Variants in RDX observed in about 807,000 individuals in gnomAD.
RDX encodes the protein deafness, autosomal recessive 24.
RDX carries 32 observed loss-of-function variants against 83.7 expected under a neutral mutation model. That is an observed-to-expected ratio of 0.38 (90% CI 0.29 to 0.51). The LOEUF is 0.51. Among genes scored for constraint, RDX ranks in the 20% least tolerant of loss-of-function variants. The pLI is 0.87. For synonymous variants in RDX, 229 were observed against 222.7 expected (o/e 1.03, Z -0.25); for missense variants, 600 against 689.9 (o/e 0.87, Z 1.46).
chr11:110,238,676 C>T (rs1249510472), intron 10 of RDX, among the ~76,000 whole-genome samples: 1 of 152,070 alleles, frequency 6.6e-6, no homozygotes, highest in African/African-American at 2.4e-5. Context: ...GTAATCCCAG[C>T]ACTTTGGGTG....
At chr11:110,278,573 T>G (rs1860610188) in intron 2 of RDX, among the ~76,000 whole-genome samples, 1 of 152,166 alleles carries the variant, frequency 6.6e-6, no homozygotes, top group Non-Finnish European at 1.5e-5. Flanking sequence ...TGATTTTTTT[T>G]TAATACAATC....
rs1044230702 is a variant in RDX, at chr11:110,206,775, G to A, written c.1749-7097C>T. On this transcript the variant is annotated intron_variant, in intron 14 of 15. Transcript: ENST00000528498. ...ATGAATTTTGTTCCAAATATCTTTG[G>A]TCTTTGAGCCATTCGAATTTCAAAG... is the stretch of plus-strand genomic sequence containing the variant. 3.9e-5 allele frequency among the ~76,000 whole-genome samples: 6 copies of A among 152,210 alleles called. No individual in the cohort carries two copies. In the South Asian group the frequency reaches 1.2e-3, roughly 32 times the overall value.
At chr11:110,194,851 T>C (rs1348196657) in intron 15 of RDX, among the ~76,000 whole-genome samples, 3 of 152,352 alleles carry the variant, frequency 2.0e-5, no homozygotes, top group South Asian at 2.1e-4. Flanking sequence ...CTATGTCATG[T>C]TGGCATATTT....
At chr11:110,187,430 C>T (rs1863009081) in intron 15 of RDX, among the ~76,000 whole-genome samples, 1 of 152,206 alleles carries the variant, frequency 6.6e-6, no homozygotes, top group African/African-American at 2.4e-5. Flanking sequence ...AGAGCACCTT[C>T]CTACCCAGAT....
At position 110,237,518 on chromosome 11, in the gene RDX, C is replaced by A; in HGVS notation, c.1225G>T (p.Asp409Tyr). ...AKSAIAKQAADQMKNQEQLAA... is the reference protein window; with the variant it reads ...AKSAIAKQAAYQMKNQEQLAA... The stretch of plus-strand genomic sequence containing the variant: ...AGCTGCTCCTGATTCTTCATCTGGT[C>A]GGCAGCTTGTTTTGCTATGGCAGAC... Residue 409 changes from aspartate (D) to tyrosine (Y), a missense_variant, in exon 11 of 14, where the codon GAC (aspartate) becomes TAC (tyrosine). Asp to Tyr is a radical substitution (Grantham distance 160). Transcript: ENST00000645495. 1 of 1,612,758 alleles carries A rather than the reference C, an allele frequency of 6.2e-7. No homozygotes were observed.
At chr11:110,265,109 G>GTTTTTTTTTTTTTTTTTTTTT in intron 3 of RDX, among the ~76,000 whole-genome samples, 1 of 90,694 alleles carries the variant, frequency 1.1e-5, no homozygotes, top group Non-Finnish European at 2.2e-5. Context: ...TTTTTTTTTT[G>GTTTTTTTTTTTTTTTTTTTTT]TTTTTTTTTT....
intron 15 of RDX, among the ~76,000 whole-genome samples, chr11:110,178,815 TAA>T (rs1381535610): frequency 2.6e-5 from 4 of 152,156 alleles, no homozygotes; most frequent in African/African-American, 4.8e-5. Context: ...TTACAGATTA[TAA>T]AGAGGGAACA....
chr11:110,184,590 A>G (rs1347121841), intron 15 of RDX, among the ~76,000 whole-genome samples: 2 of 152,176 alleles, frequency 1.3e-5, no homozygotes, highest in African/African-American at 4.8e-5. Flanking sequence ...GGAGGCCTGA[A>G]GGAAGCCCTG....
At chr11:110,185,893 C>T (rs983903567) in intron 15 of RDX, among the ~76,000 whole-genome samples, 2 of 152,218 alleles carry the variant, frequency 1.3e-5, no homozygotes, top group Non-Finnish European at 2.9e-5. Context: ...GGCTACAAAC[C>T]TACCAGTCAA....
chr11:110,209,677 AC>A (rs1204005701), intron 14 of RDX, among the ~76,000 whole-genome samples: 4 of 145,886 alleles, frequency 2.7e-5, no homozygotes, highest in Middle Eastern at 3.5e-3. Flanking sequence ...TGGGTCCCTG[AC>A]CCCTGACCCC....
At chr11:110,209,357 G>A (rs1863733222) in intron 14 of RDX, among the ~76,000 whole-genome samples, 1 of 151,790 alleles carries the variant, frequency 6.6e-6, no homozygotes, top group Admixed American at 6.6e-5. Context: ...GAGTCTCGCT[G>A]ATTGCTAGCA....
intron 3 of RDX, among the ~76,000 whole-genome samples, chr11:110,270,078 T>C (rs1860242130): frequency 6.6e-6 from 1 of 151,996 alleles, no homozygotes. Flanking sequence ...AAATAAGTAA[T>C]AATAACCTGG....
intron 1 of RDX, among the ~76,000 whole-genome samples, chr11:110,295,642 GAA>G: frequency 1.6e-5 from 2 of 122,252 alleles, no homozygotes; most frequent in South Asian, 2.7e-4. Context: ...TGTTTAAACT[GAA>G]AAAAAAAAAA....
chr11:110,257,738 C>G, intron 7 of RDX, 29 bp downstream of exon 7: 1 of 1,605,736 alleles, frequency 6.2e-7, no homozygotes, highest in African/African-American at 1.3e-5. Context: ...TGAACAATGA[C>G]TAGTTCACTA....
Position 110,232,051 on chromosome 11 carries a change from A to C in RDX, c.1588-18T>G. ...CTTAATGCCTATTTAAAAAATAAAA[A>C]GTACAACTATTATTTTTTTCTTAGA... On this transcript the variant is annotated intron_variant, in intron 13 of 13. Transcript: ENST00000645495. 1 of 1,585,112 alleles carries C rather than the reference A, an allele frequency of 6.3e-7. No individual in the cohort carries two copies. Among genetic ancestry groups the C allele is most frequent in the South Asian group, 1.1e-5 (1 of 89,698 alleles).
intron 15 of RDX, among the ~76,000 whole-genome samples, chr11:110,194,654 T>G (rs1863165605): frequency 1.3e-5 from 2 of 152,356 alleles, no homozygotes; most frequent in South Asian, 2.1e-4. Flanking sequence ...TGGTTATCCT[T>G]TAAGTTATAA....
intron 14 of RDX, among the ~76,000 whole-genome samples, chr11:110,209,267 T>C (rs571313027): frequency 2.0e-5 from 3 of 151,968 alleles, no homozygotes; most frequent in African/African-American, 7.2e-5. Context: ...ACCCGAATAC[T>C]GCGCTTTTCC....
chr11:110,239,061 T>C (rs1304602080), intron 10 of RDX, among the ~76,000 whole-genome samples: 1 of 151,984 alleles, frequency 6.6e-6, no homozygotes, highest in Non-Finnish European at 1.5e-5. Flanking sequence ...GGAAGACCGC[T>C]TGAGGCCAGG....
intron 14 of RDX, among the ~76,000 whole-genome samples, chr11:110,221,022 T>G (rs1048211160): frequency 1.3e-5 from 2 of 151,954 alleles, no homozygotes; most frequent in Non-Finnish European, 2.9e-5. Context: ...AGAAAAACCA[T>G]GCAGAGACAG....
Sources: allele counts gnomAD v4.1 joint callset (sites outside exome capture counted in the v4.1 genomes callset), GRCh38; gene constraint gnomAD v4.1.1; transcripts MANE v1.5; gene names NCBI Gene and HGNC (gene_info 2026-07-23, HGNC 2026-07-21).